Variants in INTS9 observed in about 807,000 individuals in gnomAD.
INTS9 encodes integrator complex subunit 9.
Under a neutral mutation model 79.7 loss-of-function variants are expected in INTS9, and 55 were observed. The observed-to-expected ratio is 0.69, with a 90% CI of 0.56 to 0.86. INTS9 has a LOEUF of 0.86. Among genes scored for constraint, INTS9 ranks in the 40% least tolerant of loss-of-function variants. The pLI is 0.00. For missense variants in INTS9, 721 were observed against 831.5 expected, an observed-to-expected ratio of 0.87 and a Z score of 1.64; for synonymous variants, 319 against 325.2, an observed-to-expected ratio of 0.98 and a Z score of 0.20.
At chr8:28,865,321 TATAA>T (rs992605106) in intron 1 of INTS9, among the ~76,000 whole-genome samples, 1 of 151,874 alleles carries the variant, frequency 6.6e-6, no homozygotes, top group African/African-American at 2.4e-5. Context: ...CTATACGATT[TATAA>T]ATAAACCTAG....
At chr8:28,883,131 A>T (rs1224217012) in intron 1 of INTS9, among the ~76,000 whole-genome samples, 1 of 152,124 alleles carries the variant, frequency 6.6e-6, no homozygotes, top group African/African-American at 2.4e-5. Context: ...TCTGGGGAGT[A>T]TAGGGGATTT....
At chr8:28,782,550 C>T (rs193012115) in intron 11 of INTS9, among the ~76,000 whole-genome samples, 10 of 152,332 alleles carry the variant, frequency 6.6e-5, no homozygotes, top group Middle Eastern at 3.4e-3. Flanking sequence ...CACACATACA[C>T]GCACACACAC....
At chr8:28,833,870 G>T (rs1025468601) in intron 6 of INTS9, among the ~76,000 whole-genome samples, 2 of 152,050 alleles carry the variant, frequency 1.3e-5, no homozygotes, top group African/African-American at 4.8e-5. Context: ...TCAAGCTGCT[G>T]CTTCTACCAT....
At chr8:28,770,902 T>C (rs1802491591) in intron 15 of INTS9, 80 bp downstream of exon 15, 1 of 952,618 alleles carries the variant, frequency 1.0e-6, no homozygotes. Context: ...CATGAAGCGC[T>C]ATTTCAAATA....
chr8:28,889,471 A>C (rs1810456885), intron 1 of INTS9, among the ~76,000 whole-genome samples: 1 of 152,178 alleles, frequency 6.6e-6, no homozygotes, highest in African/African-American at 2.4e-5. Flanking sequence ...GCTTAAATCT[A>C]GCCAGTCTCA....
At chr8:28,782,991 C>G (rs1206030744) in intron 11 of INTS9, among the ~76,000 whole-genome samples, 1 of 151,862 alleles carries the variant, frequency 6.6e-6, no homozygotes, top group African/African-American at 2.4e-5. Flanking sequence ...ACTAAAAATA[C>G]AAAAAATTAG....
chr8:28,862,547 AT>A (rs773883547), intron 1 of INTS9, among the ~76,000 whole-genome samples: 78 of 152,272 alleles, frequency 5.1e-4, no homozygotes, highest in Non-Finnish European at 1.0e-3. Context: ...ATACTGGACT[AT>A]TTTTTTAAGA....
intron 2 of INTS9, among the ~76,000 whole-genome samples, chr8:28,855,213 G>A (rs1341250730): frequency 6.6e-6 from 1 of 152,194 alleles, no homozygotes; most frequent in Non-Finnish European, 1.5e-5. Flanking sequence ...TGCTCTGAAG[G>A]AGTCAGAAGA....
At chr8:28,814,370 G>T (rs1386898353) in intron 6 of INTS9, among the ~76,000 whole-genome samples, 1 of 151,198 alleles carries the variant, frequency 6.6e-6, no homozygotes, top group East Asian at 1.9e-4. Context: ...AAGAGAATGA[G>T]AGAAGAGACA....
chr8:28,827,938 C>T (rs1362580856), intron 6 of INTS9, among the ~76,000 whole-genome samples: 1 of 152,126 alleles, frequency 6.6e-6, no homozygotes, highest in African/African-American at 2.4e-5. Flanking sequence ...TTTTGTTTGT[C>T]ACTCAACATC....
In INTS9 at chr8:28,771,068, G is replaced by C; in HGVS notation, c.1576C>G (p.Leu526Val). 6.2e-7 allele frequency: 1 copy of C among 1,609,668 alleles called. No individual in the cohort carries two copies. Among genetic ancestry groups the C allele is most frequent in the Non-Finnish European group, 8.5e-7 (1 of 1,177,986 alleles). ...IEIMPELADS[L>V]VPMEIKPGIS... ...CCAGGCTTGATCTCCATGGGCACCA[G>C]TGAATCTGCGAGCTGAAAGCAAAGG... The change falls in exon 15 of 17, where the codon CTG (leucine) becomes GTG (valine). Residue 526 changes from leucine to valine, a missense_variant. Transcript: ENST00000521022.
chr8:28,835,368 C>T lies in INTS9; in HGVS notation c.412G>A (p.Glu138Lys). 6.2e-7 allele frequency: 1 copy of T among 1,613,078 alleles called. No homozygotes were observed. The highest frequency in any genetic ancestry group is 8.5e-7 in the Non-Finnish European group (1 of 1,179,300). ...CTTTCAATGAAATTCACCAGCTCTT[C>T]CATGAGAAGCCTGAGTTTAAACAAA... is the stretch of plus-strand genomic sequence containing the variant. ...PTVQIGRLLM[E>K]ELVNFIERVP... The change falls in exon 6 of 17, where the codon GAA (glutamate) becomes AAA (lysine). Residue 138 changes from glutamate to lysine, a missense_variant. Glu to Lys is a moderately conservative substitution (Grantham distance 56). Coordinates refer to ENST00000521022, the MANE Select transcript of INTS9 (RefSeq NM_018250.4).
In INTS9 at chr8:28,769,947, A is replaced by G; in HGVS notation, c.1742T>C (p.Leu581Pro). The G allele has an allele frequency of 6.2e-7, 1 of 1,614,234 alleles. No homozygotes were observed. Among genetic ancestry groups the G allele is most frequent in the Non-Finnish European group, 8.5e-7 (1 of 1,180,022 alleles). ...GATGGAACCGCTCAACAAAGGCTTC[A>G]GGACTTTGCAGTCTGGTACGTCATC... The part of the protein sequence containing the change: ...VSDDVPDCKV[L>P]KPLLSGSIPV... The change falls in exon 16 of 17, where the codon CTG (leucine) becomes CCG (proline). Residue 581 changes from leucine to proline, a missense_variant. Physicochemically the swap from Leu to Pro is moderately conservative, Grantham distance 98. Transcript: ENST00000521022.
rs17059494 is a variant in INTS9, at chr8:28,835,698, T to G, written c.402-320A>C. 4.2e-3 allele frequency among the ~76,000 whole-genome samples: 646 copies of G among 152,288 alleles called. 7 individuals carry two copies. Among genetic ancestry groups the G allele is most frequent in the African/African-American group, 0.014 (587 of 41,550 alleles). ...TAACTCTCACTCTAAGATCTCTACT[T>G]TTATGTTACTGAAAATATATAGGGA... On this transcript the variant is annotated intron_variant, in intron 5 of 16. Transcript: ENST00000521022.
At chr8:28,830,642 A>G (rs1282527326) in intron 6 of INTS9, among the ~76,000 whole-genome samples, 3 of 151,812 alleles carry the variant, frequency 2.0e-5, no homozygotes, top group African/African-American at 7.3e-5. Context: ...TAAAAAAAAA[A>G]AAAAAAAAGC....
intron 6 of INTS9, among the ~76,000 whole-genome samples, chr8:28,833,123 C>T (rs1368079501): frequency 1.3e-5 from 2 of 152,116 alleles, no homozygotes; most frequent in African/African-American, 2.4e-5. Context: ...TGCTCAAGCT[C>T]CGAAATAGTC....
intron 1 of INTS9, among the ~76,000 whole-genome samples, chr8:28,861,079 T>G (rs552886174): frequency 1.2e-3 from 183 of 152,222 alleles, no homozygotes; most frequent in Non-Finnish European, 2.2e-3. Context: ...AAACCAAAAT[T>G]CACAACTCAT....
chr8:28,810,689 A>G (rs1166508453), intron 8 of INTS9, among the ~76,000 whole-genome samples: 1 of 152,220 alleles, frequency 6.6e-6, no homozygotes, highest in Non-Finnish European at 1.5e-5. Flanking sequence ...CTATATACCC[A>G]TTCAACAGCT....
Position 28,793,903 on chromosome 8 carries a change from T to G in INTS9, c.941A>C (p.Gln314Pro). The part of the protein sequence containing the change: ...VIYDLLECLY[Q>P]YIDSAGLSSV... ...GGAAAGCCCGGCTGAGTCGATGTAC[T>G]GATATAGGCACTCCAGGAGGTCATA... The change falls in exon 10 of 17, where the codon CAG (glutamine) becomes CCG (proline). Residue 314 changes from glutamine to proline, a missense_variant. By Grantham distance (76) the Gln-to-Pro change is moderately conservative (BLOSUM62 -1). Coordinates refer to ENST00000521022, the MANE Select transcript of INTS9 (RefSeq NM_018250.4). The G allele has an allele frequency of 6.2e-7, 1 of 1,614,054 alleles. No individual in the cohort carries two copies. The highest frequency in any genetic ancestry group is 8.5e-7 in the Non-Finnish European group (1 of 1,179,986).
Sources: allele counts gnomAD v4.1 joint callset (sites outside exome capture counted in the v4.1 genomes callset), GRCh38; gene constraint gnomAD v4.1.1; transcripts MANE v1.5; gene names NCBI Gene and HGNC (gene_info 2026-07-23, HGNC 2026-07-21).